Variants in TMEM87A observed in about 807,000 individuals in gnomAD.
The protein encoded by TMEM87A is transmembrane protein 87A.
TMEM87A carries 50 observed loss-of-function variants against 90.0 expected under a neutral mutation model. The observed-to-expected ratio is 0.56, with a 90% confidence interval of 0.44 to 0.70. TMEM87A has a LOEUF of 0.70. Ranked by LOEUF, TMEM87A falls within the 30% of genes least tolerant of loss-of-function variation. The pLI, the probability that TMEM87A is intolerant of heterozygous loss-of-function variation, is 0.00. For missense variants in TMEM87A, 577 were observed against 660.5 expected, an observed-to-expected ratio of 0.87 and a Z score of 1.39; for synonymous variants, 226 against 226.7, an observed-to-expected ratio of 1.00 and a Z score of 0.03.
At chr15:42,235,107 T>G (rs1459158857) in intron 10 of TMEM87A, among the ~76,000 whole-genome samples, 1 of 152,186 alleles carries the variant, frequency 6.6e-6, no homozygotes, top group East Asian at 1.9e-4. Context: ...GGCATGATCT[T>G]GGCTCACTGC....
chr15:42,224,455 A>C (rs1255505256), intron 15 of TMEM87A: 1 of 152,244 alleles, frequency 6.6e-6, no homozygotes, highest in East Asian at 1.9e-4. Flanking sequence ...AAAAGAACTG[A>C]CTTGATGTAC....
Position 42,237,436 on chromosome 15 carries a change from T to G in TMEM87A, c.864A>C (p.Glu288Asp), listed in dbSNP as rs766862412. The G allele has an allele frequency of 1.9e-6, 3 of 1,613,594 alleles. No homozygotes were observed. The highest frequency in any genetic ancestry group is 2.5e-6 in the Non-Finnish European group (3 of 1,179,744). Reference sequence around the variant, plus strand: ...AAAGATTTTCTGGTTACTTACCAGATTCTCCTTTGTATCGGATATTCTGAA... The same window carrying G: ...AAAGATTTTCTGGTTACTTACCAGAGTCTCCTTTGTATCGGATATTCTGAA... Reference protein sequence around the residue: ...AEFQNIRYKGESVQGALILAE... With the variant: ...AEFQNIRYKGDSVQGALILAE... Residue 288 changes from glutamate to aspartate, a missense_variant, in exon 9 of 20, where the codon GAA becomes GAC. Physicochemically the swap from Glu to Asp is conservative, Grantham distance 45. Coordinates refer to ENST00000389834, the MANE Select transcript of TMEM87A (RefSeq NM_015497.5).
intron 3 of TMEM87A, among the ~76,000 whole-genome samples, chr15:42,267,616 A>G (rs2051431353): frequency 6.6e-6 from 1 of 152,244 alleles, no homozygotes; most frequent in Non-Finnish European, 1.5e-5. Flanking sequence ...GTTTTCTGGG[A>G]AAAACAGTTA....
At chr15:42,231,342 A>G (rs1031918362) in intron 11 of TMEM87A, 82 bp from the exon 12 acceptor site, 2 of 1,161,430 alleles carry the variant, frequency 1.7e-6, no homozygotes, top group Admixed American at 6.5e-5. Flanking sequence ...TTCTGCATTT[A>G]CATAATCACT....
At chr15:42,254,035 A>G (rs2051132773) in intron 6 of TMEM87A, among the ~76,000 whole-genome samples, 1 of 152,166 alleles carries the variant, frequency 6.6e-6, no homozygotes, top group Non-Finnish European at 1.5e-5. Context: ...TGTTCTCCAT[A>G]ACAAAACTAT....
chr15:42,233,468 A>G (rs1404707044), intron 10 of TMEM87A, among the ~76,000 whole-genome samples, 162 bp from the exon 11 acceptor site: 1 of 152,242 alleles, frequency 6.6e-6, no homozygotes, highest in Non-Finnish European at 1.5e-5. Context: ...TTATGGTCTT[A>G]AAACAAGATA....
chr15:42,247,502 T>G (rs902355402), intron 6 of TMEM87A, among the ~76,000 whole-genome samples: 7 of 152,232 alleles, frequency 4.6e-5, no homozygotes, highest in African/African-American at 1.7e-4. Flanking sequence ...GCTTTCTACA[T>G]ATGCCTAGCC....
At chr15:42,238,749 C>CT (rs374648537) in intron 8 of TMEM87A, among the ~76,000 whole-genome samples, 3,873 of 119,580 alleles carry the variant, frequency 0.032, 225 homozygotes, top group African/African-American at 0.11. Context: ...GTGAGACTCT[C>CT]TTTTTTTTTT....
At chr15:42,260,901 C>A in intron 6 of TMEM87A, 57 bp downstream of exon 6, 1 of 1,555,368 alleles carries the variant, frequency 6.4e-7, no homozygotes, top group Admixed American at 1.9e-5. Context: ...CAGAAATACA[C>A]AAATTTAAGA....
chr15:42,245,520 C>CTTTTTTT (rs550453415), intron 6 of TMEM87A, among the ~76,000 whole-genome samples: 1 of 118,432 alleles, frequency 8.4e-6, no homozygotes. Context: ...ACATTTATTA[C>CTTTTTTT]TTTTTTTTTT....
At chr15:42,240,910 T>C (rs1434405650) in intron 7 of TMEM87A, among the ~76,000 whole-genome samples, 1 of 152,238 alleles carries the variant, frequency 6.6e-6, no homozygotes, top group East Asian at 1.9e-4. Flanking sequence ...AAATAATTAG[T>C]AAATACTTGG....
chr15:42,262,633 T>C (rs758554326), intron 4 of TMEM87A, among the ~76,000 whole-genome samples: 2 of 152,030 alleles, frequency 1.3e-5, no homozygotes, highest in Non-Finnish European at 2.9e-5. Context: ...GCCAGGCTGG[T>C]CTTGAACTCC....
chr15:42,245,186 C>T (rs925060217), intron 6 of TMEM87A, among the ~76,000 whole-genome samples: 2 of 152,212 alleles, frequency 1.3e-5, no homozygotes, highest in East Asian at 1.9e-4. Context: ...ATTGATTTAT[C>T]TCCACCTAAT....
chr15:42,249,410 T>C (rs2051042226), intron 6 of TMEM87A, among the ~76,000 whole-genome samples: 1 of 152,242 alleles, frequency 6.6e-6, no homozygotes, highest in African/African-American at 2.4e-5. Context: ...CTTTCTCTTG[T>C]GGGCATTCAG....
chr15:42,218,187 T>G, intron 18 of TMEM87A, 136 bp downstream of exon 18: 2 of 871,102 alleles, frequency 2.3e-6, no homozygotes, highest in Non-Finnish European at 1.8e-6. Context: ...TTAATTTTGT[T>G]TGCGGATTAT....
chr15:42,234,810 C>T lies in TMEM87A; in HGVS notation c.969-1504G>A, dbSNP rs189802030. Among the ~76,000 whole-genome samples the T allele has an allele frequency of 2.6e-3, 400 of 152,290 alleles. 1 individual carries two copies. Among genetic ancestry groups the T allele is most frequent in the African/African-American group, 9.3e-3 (386 of 41,540 alleles). ...CCCTCCATATAGGTAAACTCAATGG[C>T]CAATTCTCACTTGACCTATCAGGAT... On this transcript the variant is annotated intron_variant, in intron 10 of 19. Transcript: ENST00000389834.
At chr15:42,259,077 A>C (rs1420633976) in intron 6 of TMEM87A, 1 of 688,082 alleles carries the variant, frequency 1.5e-6, no homozygotes, top group African/African-American at 1.8e-5. Flanking sequence ...AAGTCCCTGA[A>C]ACTGTTAACA....
intron 7 of TMEM87A, among the ~76,000 whole-genome samples, chr15:42,242,741 A>G (rs2050895380): frequency 6.6e-6 from 1 of 152,214 alleles, no homozygotes; most frequent in African/African-American, 2.4e-5. Context: ...GTACAATTAA[A>G]CTATTTGATA....
intron 15 of TMEM87A, 163 bp downstream of exon 15, chr15:42,226,643 G>C (rs1407562792): frequency 1.6e-6 from 1 of 625,772 alleles, no homozygotes; most frequent in East Asian, 2.6e-5. Context: ...CAAAAATCAT[G>C]AAGTTAAGAG....
Sources: gnomAD v4.1 joint callset for allele counts (sites outside exome capture counted in the v4.1 genomes callset) on GRCh38, gnomAD v4.1.1 for gene constraint, MANE v1.5 for transcripts, NCBI Gene and HGNC (gene_info 2026-07-23, HGNC 2026-07-21) for gene names.